SGF29: variants seen among roughly 807,000 people sequenced by gnomAD.
SGF29 encodes the protein SAGA complex associated factor 29.
A neutral mutation model predicts 38.1 loss-of-function variants in SGF29; 15 were observed. The observed-to-expected ratio is 0.39, with a 90% CI of 0.26 to 0.61. The LOEUF (loss-of-function observed/expected upper bound fraction) is 0.61, where lower values mean the gene tolerates loss of function less well. Among genes scored for constraint, SGF29 ranks in the 20% least tolerant of loss-of-function variants. SGF29 has a pLI of 0.49. For synonymous variants in SGF29, 151 were observed against 160.8 expected (o/e 0.94, Z 0.46); for missense variants, 184 against 394.6 (o/e 0.47, Z 4.52).
At chr16:28,591,551 G>T in intron 9 of SGF29, 39 bp from the exon 10 acceptor site, 1 of 1,450,842 alleles carries the variant, frequency 6.9e-7, no homozygotes. Flanking sequence ...CCTGGCCTGG[G>T]GGTCTCTGAG....
chr16:28,577,276 C>G (rs2046899934), intron 1 of SGF29, among the ~76,000 whole-genome samples: 2 of 149,876 alleles, frequency 1.3e-5, no homozygotes, highest in Non-Finnish European at 3.0e-5. Context: ...TTAAAGTGTG[C>G]AATTCATTGG....
Position 28,585,706 on chromosome 16 carries a change from A to G in SGF29, c.210A>G (p.Ala70=). The G allele has an allele frequency of 1.9e-6, 3 of 1,614,214 alleles. No homozygotes were observed. Among genetic ancestry groups the G allele is most frequent in the East Asian group, 2.2e-5 (1 of 44,886 alleles). The part of the protein sequence containing the change: ...RGLYTTAKAD[A]EAECNILRKA... The stretch of plus-strand genomic sequence containing the variant: ...TCTACACAACCGCCAAGGCCGATGC[A>G]GAGGCTGAGTGCAAGTGAGTACCGT... Residue 70 remains alanine (A), a synonymous_variant, in exon 4 of 10, where the codon GCA becomes GCG. Coordinates refer to ENST00000317058, the MANE Select transcript of SGF29 (RefSeq NM_138414.3).
chr16:28,591,124 G>A (rs1255599563), intron 9 of SGF29, among the ~76,000 whole-genome samples, 189 bp downstream of exon 9: 1 of 152,154 alleles, frequency 6.6e-6, no homozygotes, highest in African/African-American at 2.4e-5. Flanking sequence ...AGCCCTGGCA[G>A]CCTTGGCAAG....
chr16:28,575,884 C>T (rs545754090), intron 1 of SGF29, among the ~76,000 whole-genome samples: 45 of 152,280 alleles, frequency 3.0e-4, no homozygotes, highest in Admixed American at 7.9e-4. Flanking sequence ...GTGGCTCACA[C>T]GTGTAATCCC....
intron 1 of SGF29, among the ~76,000 whole-genome samples, chr16:28,579,257 C>CTTTT (rs570774951): frequency 7.4e-6 from 1 of 134,794 alleles, no homozygotes. Flanking sequence ...TTCTAATTAT[C>CTTTT]TTTTTTTTTT....
chr16:28,574,984 T>TC (rs2046884691), intron 1 of SGF29, among the ~76,000 whole-genome samples: 1 of 152,240 alleles, frequency 6.6e-6, no homozygotes, highest in Non-Finnish European at 1.5e-5. Flanking sequence ...TGGAAAGGAC[T>TC]CCAAGATTTC....
intron 1 of SGF29, among the ~76,000 whole-genome samples, chr16:28,557,088 AGGATATTT>A (rs1269013158): frequency 6.6e-6 from 1 of 152,166 alleles, no homozygotes; most frequent in African/African-American, 2.4e-5. Context: ...GCTTAAGTGT[AGGATATTT>A]GGATTTGTTT....
At chr16:28,575,562 G>A (rs2046887748) in intron 1 of SGF29, among the ~76,000 whole-genome samples, 1 of 152,164 alleles carries the variant, frequency 6.6e-6, no homozygotes, top group Non-Finnish European at 1.5e-5. Context: ...TGCGTGCCTT[G>A]TAATCCCAGC....
At chr16:28,591,362 C>T (rs1401240902) in intron 9 of SGF29, among the ~76,000 whole-genome samples, 1 of 152,208 alleles carries the variant, frequency 6.6e-6, no homozygotes, top group Non-Finnish European at 1.5e-5. Context: ...AGGGAGTCAG[C>T]ACCCCTACTC....
intron 1 of SGF29, among the ~76,000 whole-genome samples, chr16:28,580,120 G>C (rs751444328): frequency 6.6e-6 from 1 of 151,928 alleles, no homozygotes; most frequent in Admixed American, 6.6e-5. Flanking sequence ...GCAGAGCAGG[G>C]GCTAAGGGCA....
chr16:28,573,827 A>T (rs569577790), intron 1 of SGF29, among the ~76,000 whole-genome samples: 1 of 152,256 alleles, frequency 6.6e-6, no homozygotes, highest in Admixed American at 6.5e-5. Flanking sequence ...GTCTGAGGGC[A>T]GTATCAAGGA....
intron 1 of SGF29, among the ~76,000 whole-genome samples, chr16:28,577,107 G>A (rs147504998): frequency 0.011 from 1,713 of 152,196 alleles, 39 homozygotes; most frequent in African/African-American, 0.039. Context: ...GGCGGAGGTT[G>A]CAGTGAGCCA....
At chr16:28,587,740 C>T (rs1161972138) in intron 4 of SGF29, among the ~76,000 whole-genome samples, 2 of 152,182 alleles carry the variant, frequency 1.3e-5, no homozygotes, top group African/African-American at 4.8e-5. Context: ...CTGGGGTTTG[C>T]CATGGTATCA....
chr16:28,589,323 A>G (rs919035714), intron 5 of SGF29, 159 bp downstream of exon 5: 23 of 684,192 alleles, frequency 3.4e-5, no homozygotes, highest in Non-Finnish European at 5.0e-5. Flanking sequence ...AAGGGACAGG[A>G]GGTCATTCCC....
chr16:28,581,028 TCTC>T, intron 1 of SGF29, 24 bp from the exon 2 acceptor site: 1 of 1,548,748 alleles, frequency 6.5e-7, no homozygotes, highest in Middle Eastern at 1.7e-4. Context: ...CTAACAGAGT[TCTC>T]TTCTGTCCTC....
intron 1 of SGF29, among the ~76,000 whole-genome samples, chr16:28,560,752 C>G (rs990873193): frequency 2.0e-5 from 3 of 151,650 alleles, no homozygotes; most frequent in Non-Finnish European, 4.4e-5. Flanking sequence ...ACGAGGTCAG[C>G]AGATCGAGAC....
intron 1 of SGF29, among the ~76,000 whole-genome samples, chr16:28,561,515 A>G (rs554618584): frequency 4.6e-5 from 7 of 152,216 alleles, no homozygotes; most frequent in Non-Finnish European, 1.0e-4. Flanking sequence ...CCTGGGCAAC[A>G]GAGCAAGACT....
intron 4 of SGF29, among the ~76,000 whole-genome samples, chr16:28,587,763 A>G (rs947773806): frequency 2.0e-5 from 3 of 152,188 alleles, no homozygotes; most frequent in African/African-American, 7.2e-5. Context: ...GGAAAATAAA[A>G]TGACCCAAAG....
At chr16:28,591,228 G>C (rs2046988784) in intron 9 of SGF29, among the ~76,000 whole-genome samples, 1 of 152,128 alleles carries the variant, frequency 6.6e-6, no homozygotes, top group South Asian at 2.1e-4. Context: ...TGTGCTCTTG[G>C]TGACATGGGA....
Sources: allele counts gnomAD v4.1 joint callset (sites outside exome capture counted in the v4.1 genomes callset), GRCh38; gene constraint gnomAD v4.1.1; transcripts MANE v1.5; gene names NCBI Gene and HGNC (gene_info 2026-07-23, HGNC 2026-07-21).